ACSM3: variants seen among roughly 807,000 people sequenced by gnomAD.
ACSM3 encodes the protein acyl-coenzyme A synthetase ACSM3, mitochondrial.
In ACSM3, 61 loss-of-function variants were observed where a neutral mutation model predicts 74.1. The observed-to-expected ratio is 0.82, with a 90% CI of 0.67 to 1.02. ACSM3 has a LOEUF of 1.02. ACSM3 is among the 50% of genes least tolerant of loss of function. The pLI is 0.00. For missense variants in ACSM3, 660 were observed against 697.0 expected (o/e 0.95, Z 0.60); for synonymous variants, 213 against 241.5 (o/e 0.88, Z 1.09).
At chr16:20,755,897 C>G (rs1006289506) in intron 3 of ACSM3, among the ~76,000 whole-genome samples, 1 of 149,908 alleles carries the variant, frequency 6.7e-6, no homozygotes, top group Non-Finnish European at 1.5e-5. Flanking sequence ...GGTTTTTTGT[C>G]CTTGCGATAG....
Position 20,790,779 on chromosome 16 carries a change from G to A in ACSM3, c.1326+91G>A. ...TTGCCACAAAACATACCTAGGATAG[G>A]TACTTGACCCTTTCTTGAGAGATTG... On this transcript the variant is annotated intron_variant, in intron 10 of 13. Transcript: ENST00000289416. The surrounding 1 kb of genome is among the most constrained non-coding windows in gnomAD (Gnocchi z 4.0). The A allele has an allele frequency of 6.2e-7, 1 of 1,613,220 alleles. No individual in the cohort carries two copies. Among genetic ancestry groups the A allele is most frequent in the Non-Finnish European group, 8.5e-7 (1 of 1,179,456 alleles).
At chr16:20,737,145 T>C in intron 1 of ACSM3, 2 of 1,614,234 alleles carry the variant, frequency 1.2e-6, no homozygotes, top group Non-Finnish European at 1.7e-6. Flanking sequence ...CTTCACCACC[T>C]CCTGGAGATT....
intron 12 of ACSM3, among the ~76,000 whole-genome samples, chr16:20,795,616 G>A (rs1031824429): frequency 5.9e-5 from 9 of 152,204 alleles, no homozygotes; most frequent in African/African-American, 2.2e-4. Context: ...AAAAGCTTCA[G>A]GGGACTCTCC....
chr16:20,784,870 A>T (rs1316152939), intron 7 of ACSM3, 114 bp from the exon 8 acceptor site: 2 of 1,140,550 alleles, frequency 1.8e-6, no homozygotes, highest in Non-Finnish European at 2.4e-6. Context: ...TGCTAGGGAG[A>T]GGAATTAAAA....
At chr16:20,683,381 G>A (rs2079485056) in intron 1 of ACSM3, among the ~76,000 whole-genome samples, 1 of 151,914 alleles carries the variant, frequency 6.6e-6, no homozygotes, top group Non-Finnish European at 1.5e-5. Context: ...GTCTGCCTTA[G>A]CCTCCCAAAG....
intron 5 of ACSM3, 31 bp downstream of exon 5, chr16:20,780,888 G>T (rs1298136238): frequency 6.2e-7 from 1 of 1,613,752 alleles, no homozygotes; most frequent in Non-Finnish European, 8.5e-7. Context: ...AGCTTGAAGT[G>T]TCAAAACTGC....
In ACSM3 at chr16:20,791,887, T is replaced by G. The variant is rs1360409792; in HGVS notation, c.1327-115T>G. The G allele has an allele frequency of 8.8e-5, 109 of 1,239,556 alleles. 1 individual carries two copies. The highest frequency in any genetic ancestry group is 7.3e-4 in the East Asian group (29 of 39,904). 76.8% of individuals were successfully genotyped at this position (1,239,556 alleles called of 1,614,324 possible). A position where few individuals can be genotyped will look rare whatever the true frequency, so the allele number is the denominator to read the frequency against. ...AGGTTGCAGTAAGCCAAGATCGTAC[T>G]ACTGCACTCCAGCCTGGGTAACAGA... On this transcript the variant is annotated intron_variant, in intron 10 of 13. Coordinates refer to ENST00000289416, the MANE Select transcript of ACSM3 (RefSeq NM_005622.4).
At chr16:20,758,357 C>T (rs185903417) in intron 3 of ACSM3, among the ~76,000 whole-genome samples, 6 of 151,966 alleles carry the variant, frequency 3.9e-5, no homozygotes, top group Admixed American at 6.6e-5. Flanking sequence ...CCTGGTTTAG[C>T]CTTCGGAGAG....
At chr16:20,779,942 T>C in intron 4 of ACSM3, 1 of 170,536 alleles carries the variant, frequency 5.9e-6, no homozygotes, top group South Asian at 9.2e-5. Context: ...TTTTTGTATT[T>C]TCAGTAGAGA....
intron 1 of ACSM3, chr16:20,703,529 G>GA (rs1046071537): frequency 5.3e-5 from 8 of 151,434 alleles, no homozygotes; most frequent in African/African-American, 1.9e-4. Context: ...GTCCTTCGCA[G>GA]ATTTTTTTTT....
intron 1 of ACSM3, among the ~76,000 whole-genome samples, chr16:20,724,617 GTATC>G (rs1208164205): frequency 6.6e-6 from 1 of 152,152 alleles, no homozygotes; most frequent in Non-Finnish European, 1.5e-5. Flanking sequence ...ACATGATTGT[GTATC>G]TAGAAAACCC....
intron 9 of ACSM3, chr16:20,789,647 T>C: frequency 2.2e-6 from 2 of 900,416 alleles, no homozygotes; most frequent in Non-Finnish European, 3.6e-6. Flanking sequence ...TAAAAGCAGG[T>C]TGGCAAAACT....
At chr16:20,708,076 G>A (rs2079732985) in intron 1 of ACSM3, among the ~76,000 whole-genome samples, 1 of 152,202 alleles carries the variant, frequency 6.6e-6, no homozygotes, top group Non-Finnish European at 1.5e-5. Flanking sequence ...CAAGGCGGGT[G>A]GATCACTTGA....
chr16:20,712,740 TAAA>T (rs200467690), intron 1 of ACSM3, among the ~76,000 whole-genome samples: 1 of 139,742 alleles, frequency 7.2e-6, no homozygotes. Context: ...AACCTGTCTC[TAAA>T]AAAAAAAAAA....
Position 20,685,160 on chromosome 16 carries a change from C to T in ACSM3, c.-190+10338C>T, listed in dbSNP as rs753942659. 7.9e-5 allele frequency: 128 copies of T among 1,611,320 alleles called. 2 individuals carry two copies. The Admixed American group carries it at 1.8e-3, about 22-fold the overall frequency. ...GGACCCATTGGTTCTAGAACAGCCC[C>T]GAGGTCCACCAGGTCCCTCTTGCAT... On this transcript the variant is annotated intron_variant, in intron 1 of 3. Coordinates refer to the ACSM3 transcript ENST00000561584.
chr16:20,741,550 G>A (rs757939237), intron 1 of ACSM3: 8 of 1,579,766 alleles, frequency 5.1e-6, no homozygotes, highest in South Asian at 1.1e-5. Flanking sequence ...TCGTTGAGGA[G>A]GCTGTAGGCC....
intron 1 of ACSM3, chr16:20,703,577 AGTGGCATGATCT>A (rs1567319656): frequency 6.6e-6 from 1 of 152,044 alleles, no homozygotes; most frequent in African/African-American, 2.4e-5. Context: ...GCTGGAGTTC[AGTGGCATGATCT>A]CAGCTCACTG....
chr16:20,782,807 T>G (rs966080324), intron 7 of ACSM3, among the ~76,000 whole-genome samples: 18 of 152,302 alleles, frequency 1.2e-4, no homozygotes, highest in African/African-American at 4.3e-4. Flanking sequence ...TTACTTACAT[T>G]TCCCAGCTTA....
At chr16:20,787,631 T>G (rs933418362) in intron 9 of ACSM3, among the ~76,000 whole-genome samples, 1 of 152,234 alleles carries the variant, frequency 6.6e-6, no homozygotes, top group Non-Finnish European at 1.5e-5. Context: ...TAGATGAGCT[T>G]GATTGCTGCT....
Sources: allele counts gnomAD v4.1 joint callset (sites outside exome capture counted in the v4.1 genomes callset), GRCh38; gene constraint gnomAD v4.1.1; non-coding constraint Gnocchi (gnomAD v3.1); transcripts MANE v1.5; gene names NCBI Gene and HGNC (gene_info 2026-07-23, HGNC 2026-07-21).